The following SLC7A9 variants were observed in gnomAD, a reference collection of about 807,000 sequenced individuals.
SLC7A9 encodes solute carrier family 7 member 9.
SLC7A9 carries 38 observed loss-of-function variants against 54.1 expected under a neutral mutation model. The ratio of observed to expected loss-of-function variants is 0.70; its 90% CI spans 0.54 to 0.92. The LOEUF (loss-of-function observed/expected upper bound fraction) is 0.92. SLC7A9 is among the 40% of genes least tolerant of loss of function. The pLI, the probability that SLC7A9 is intolerant of heterozygous loss-of-function variation, is 0.00. For missense variants in SLC7A9, 537 were observed against 636.1 expected (o/e 0.84, Z 1.68); for synonymous variants, 264 against 258.9 (o/e 1.02, Z -0.19).
Position 32,857,108 on chromosome 19 carries a change from C to T in SLC7A9, c.977+1332G>A, listed in dbSNP as rs1968650703. On this transcript the variant is annotated intron_variant, in intron 9 of 12. Transcript: ENST00000023064. ...GAGACTGCAGTGAGGCGAGATCACA[C>T]CACTGCACTCCAGCCTGGGTGACAG... Among the ~76,000 whole-genome samples, 2 of 151,926 alleles carry T rather than the reference C, an allele frequency of 1.3e-5. 1 individual carries two copies. Among genetic ancestry groups the T allele is most frequent in the South Asian group, 4.2e-4 (2 of 4,812 alleles).
At chr19:32,836,579 A>G (rs1967965207) in intron 11 of SLC7A9, among the ~76,000 whole-genome samples, 1 of 152,168 alleles carries the variant, frequency 6.6e-6, no homozygotes. Flanking sequence ...TGAAAAAGGT[A>G]TACTCGCTGT....
chr19:32,838,322 G>A (rs1443085699), intron 11 of SLC7A9, among the ~76,000 whole-genome samples: 1 of 151,632 alleles, frequency 6.6e-6, no homozygotes, highest in East Asian at 1.9e-4. Context: ...CTTTTGGTAG[G>A]TATGAAGGAT....
chr19:32,864,928 G>C (rs1418019477), intron 2 of SLC7A9, 152 bp from the exon 3 acceptor site: 2 of 922,308 alleles, frequency 2.2e-6, no homozygotes, highest in Admixed American at 2.0e-5. Context: ...TGGCAACACC[G>C]GGGCACCGCT....
At chr19:32,835,907 GTGTA>G (rs1432560588) in intron 11 of SLC7A9, among the ~76,000 whole-genome samples, 93 of 107,776 alleles carry the variant, frequency 8.6e-4, no homozygotes, top group African/African-American at 3.5e-3. Flanking sequence ...GTGTGTGTGT[GTGTA>G]TGTGTGTGTG....
chr19:32,833,021 TC>T, intron 12 of SLC7A9, 127 bp downstream of exon 12: 1 of 942,006 alleles, frequency 1.1e-6, no homozygotes, highest in Admixed American at 1.7e-5. Context: ...GCATGTGTCC[TC>T]CTGGGACGAG....
At chr19:32,849,425 A>G (rs1189603048) in intron 9 of SLC7A9, among the ~76,000 whole-genome samples, 3 of 152,072 alleles carry the variant, frequency 2.0e-5, no homozygotes, top group African/African-American at 7.2e-5. Flanking sequence ...AAACTAGAAA[A>G]TCTAGAAGAA....
chr19:32,841,012 T>G (rs1156827413), intron 11 of SLC7A9, among the ~76,000 whole-genome samples: 2 of 152,148 alleles, frequency 1.3e-5, no homozygotes, highest in Non-Finnish European at 2.9e-5. Flanking sequence ...GCTACCGTCA[T>G]AATTTTGCCT....
chr19:32,848,641 C>G lies in SLC7A9; in HGVS notation c.978-4690G>C, dbSNP rs562407302. 2.6e-4 allele frequency among the ~76,000 whole-genome samples: 40 copies of G among 152,272 alleles called. No individual in the cohort carries two copies. In the South Asian group the frequency reaches 4.8e-3, roughly 18 times the overall value. On this transcript the variant is annotated intron_variant, in intron 9 of 12. Coordinates refer to ENST00000023064, the MANE Select transcript of SLC7A9 (RefSeq NM_014270.5). The stretch of plus-strand genomic sequence containing the variant: ...ACAGATCAACAAGACAGAAAGTTAA[C>G]AAGAATACCCAGGAATTGAACTCAG...
At position 32,868,391 on chromosome 19, in the gene SLC7A9, C is replaced by T. The variant is rs1428443669; in HGVS notation, c.87+57G>A. The T allele has an allele frequency of 8.0e-6, 11 of 1,372,852 alleles. No homozygotes were observed. In the African/African-American group the frequency reaches 8.5e-5, roughly 11 times the overall value. The allele number at this position is 1,372,852 out of a possible 1,614,324, so 85.0% of individuals were successfully genotyped here. Reference sequence around the variant, plus strand: ...CCCGGATTTCACTGCCTGCGCCCCTCGTTCAGACGCCCTTGCCTAACCTGC... The same window carrying T: ...CCCGGATTTCACTGCCTGCGCCCCTTGTTCAGACGCCCTTGCCTAACCTGC... On this transcript the variant is annotated intron_variant, in intron 2 of 12. Coordinates refer to ENST00000023064, the MANE Select transcript of SLC7A9 (RefSeq NM_014270.5).
At chr19:32,833,466 A>T in intron 11 of SLC7A9, 143 bp from the exon 12 acceptor site, 1 of 885,908 alleles carries the variant, frequency 1.1e-6, no homozygotes, top group Non-Finnish European at 1.8e-6. Flanking sequence ...TGCCAATCTT[A>T]TTTCATCTAT....
Position 32,840,971 on chromosome 19 carries a change from A to G in SLC7A9, c.1224+1197T>C, listed in dbSNP as rs1048860600. ...TATCCTAGAGGCTCTGTCTGTTTCT[A>G]TGAGGGATTTTGTGCAGATTACAAG... On this transcript the variant is annotated intron_variant, in intron 11 of 12. Coordinates refer to ENST00000023064, the MANE Select transcript of SLC7A9 (RefSeq NM_014270.5). Among the ~76,000 whole-genome samples the G allele has an allele frequency of 3.9e-5, 6 of 152,120 alleles. No homozygotes were observed. In the East Asian group the frequency reaches 5.8e-4, roughly 15 times the overall value.
chr19:32,864,710 G>A lies in SLC7A9; in HGVS notation c.154C>T (p.Pro52Ser), dbSNP rs1968914206. Residue 52 changes from proline (P) to serine (S), a missense_variant, in exon 3 of 13, where the codon CCC (proline) becomes TCC (serine). Transcript: ENST00000023064. ...TCCGTGTTGCTGAGCACAGACTTGG[G>A]GGAAACGAAGATCCCAGAGCCAATG... ...TIIGSGIFVS[P>S]KSVLSNTEAV... The A allele has an allele frequency of 1.2e-6, 2 of 1,614,082 alleles. No individual in the cohort carries two copies. Among genetic ancestry groups the A allele is most frequent in the Admixed American group, 1.7e-5 (1 of 60,002 alleles).
intron 9 of SLC7A9, among the ~76,000 whole-genome samples, chr19:32,851,336 C>T (rs981339272): frequency 6.6e-6 from 1 of 151,930 alleles, no homozygotes; most frequent in African/African-American, 2.4e-5. Context: ...AAGAAAAAAA[C>T]AACCCCATCA....
At chr19:32,865,690 A>T (rs1968945985) in intron 2 of SLC7A9, among the ~76,000 whole-genome samples, 1 of 152,100 alleles carries the variant, frequency 6.6e-6, no homozygotes, top group Non-Finnish European at 1.5e-5. Flanking sequence ...GTACATTTCG[A>T]CCAGGTGCAG....
intron 2 of SLC7A9, among the ~76,000 whole-genome samples, chr19:32,867,281 C>T (rs1400627705): frequency 6.6e-6 from 1 of 152,128 alleles, no homozygotes; most frequent in Admixed American, 6.5e-5. Context: ...GTGGGAGGAT[C>T]GCTTGAGCCC....
Position 32,859,704 on chromosome 19 carries a change from G to A in SLC7A9, c.873+137C>T, listed in dbSNP as rs535533447. On this transcript the variant is annotated intron_variant, in intron 8 of 12. Coordinates refer to ENST00000023064, the MANE Select transcript of SLC7A9 (RefSeq NM_014270.5). ...CCGGCCCTGCCTCCAGCTCCATGCC[G>A]TGCGTGCCCAGTCCATGTCCCCGTC... The A allele has an allele frequency of 6.5e-5, 52 of 800,632 alleles. 1 individual carries two copies. The highest frequency in any genetic ancestry group is 5.6e-4 in the South Asian group (38 of 68,194). The allele number at this position is 800,632 out of a possible 1,614,324, so 49.6% of individuals were successfully genotyped here.
chr19:32,862,050 A>T, intron 6 of SLC7A9, 68 bp downstream of exon 6: 1 of 948,758 alleles, frequency 1.1e-6, no homozygotes, highest in Non-Finnish European at 1.7e-6. Flanking sequence ...TTTCCATGAC[A>T]GGTGGAGTTA....
At chr19:32,862,816 T>C (rs1471910008) in intron 4 of SLC7A9, 1 of 314,200 alleles carries the variant, frequency 3.2e-6, no homozygotes, top group Non-Finnish European at 5.7e-6. Flanking sequence ...GGACGACAGG[T>C]GCACGCCACT....
Position 32,864,214 on chromosome 19 carries a change from A to G in SLC7A9, c.360T>C (p.Ile120=), listed in dbSNP as rs2145846047. The change falls in exon 4 of 13, where the codon ATT becomes ATC. Residue 120 remains isoleucine (I), a synonymous_variant. Transcript: ENST00000023064. ...AGATGATGGCGAAGGACGTGGGCTT[A>G]ATGACGATCAGGCTGGCCCAGGAGA... ...YLFSWASLIV[I]KPTSFAIICL... The G allele has an allele frequency of 6.2e-7, 1 of 1,614,182 alleles. No homozygotes were observed. The highest frequency in any genetic ancestry group is 8.5e-7 in the Non-Finnish European group (1 of 1,180,018).
Sources: gnomAD v4.1 joint callset for allele counts (sites outside exome capture counted in the v4.1 genomes callset) on GRCh38, gnomAD v4.1.1 for gene constraint, MANE v1.5 for transcripts, NCBI Gene and HGNC (gene_info 2026-07-23, HGNC 2026-07-21) for gene names.